Variants in TTLL11 observed in about 807,000 individuals in gnomAD.
TTLL11 encodes tubulin polyglutamylase TTLL11.
TTLL11 carries 42 observed loss-of-function variants against 51.7 expected under a neutral mutation model. That is an observed-to-expected ratio of 0.81 (90% CI 0.64 to 1.05). TTLL11 has a LOEUF of 1.05. Ranked by LOEUF, TTLL11 falls within the 50% of genes least tolerant of loss-of-function variation. The pLI, the probability that TTLL11 is intolerant of heterozygous loss-of-function variation, is 0.00. For missense variants in TTLL11, 799 were observed against 940.4 expected, an observed-to-expected ratio of 0.85 and a Z score of 1.97; for synonymous variants, 381 against 383.5, an observed-to-expected ratio of 0.99 and a Z score of 0.08.
intron 6 of TTLL11, among the ~76,000 whole-genome samples, chr9:121,926,246 G>A (rs577699368): frequency 9.2e-5 from 14 of 152,268 alleles, no homozygotes; most frequent in Admixed American, 8.5e-4. Flanking sequence ...GGGACCCTGC[G>A]CTGCCCACAG....
At chr9:121,922,108 G>A (rs956212022) in intron 6 of TTLL11, among the ~76,000 whole-genome samples, 1 of 152,120 alleles carries the variant, frequency 6.6e-6, no homozygotes, top group African/African-American at 2.4e-5. Flanking sequence ...CTCAGTCCAG[G>A]GGAAATTTCA....
chr9:121,893,836 T>G (rs1274332201), intron 6 of TTLL11, among the ~76,000 whole-genome samples: 2 of 152,214 alleles, frequency 1.3e-5, no homozygotes, highest in Non-Finnish European at 2.9e-5. Flanking sequence ...GGAATCTGTT[T>G]TCTGTGCATA....
chr9:121,895,312 ATG>A (rs1249171598), intron 6 of TTLL11, among the ~76,000 whole-genome samples: 7 of 150,552 alleles, frequency 4.6e-5, no homozygotes, highest in East Asian at 2.0e-4. Flanking sequence ...GTGTTTGTGT[ATG>A]TGAGTGTGTG....
At chr9:122,091,581 C>CAT (rs1846259896) in intron 1 of TTLL11, among the ~76,000 whole-genome samples, 1 of 152,174 alleles carries the variant, frequency 6.6e-6, no homozygotes, top group Non-Finnish European at 1.5e-5. Flanking sequence ...CCACATCAGT[C>CAT]CTTTCTGTGG....
intron 6 of TTLL11, among the ~76,000 whole-genome samples, chr9:121,938,868 C>G (rs188705766): frequency 6.6e-6 from 1 of 152,302 alleles, no homozygotes; most frequent in East Asian, 1.9e-4. Flanking sequence ...TTAGTACAAT[C>G]GCTCTGGGGA....
intron 6 of TTLL11, among the ~76,000 whole-genome samples, chr9:121,910,793 T>C (rs900165649): frequency 2.0e-5 from 3 of 152,262 alleles, no homozygotes; most frequent in Non-Finnish European, 4.4e-5. Context: ...TCCTTGATTG[T>C]CTCAAGTATA....
rs1836620985 is a variant in TTLL11 at position 121,822,712 on chromosome 9, C to A, written c.2008G>T (p.Gly670Cys). Residue 670 changes from glycine (G) to cysteine (C), a missense_variant, in exon 9 of 9, where the codon GGC becomes TGC. Physicochemically the swap from Gly to Cys is radical, Grantham distance 159 (BLOSUM62 -3). Around this residue, in one of 3 missense-constraint regions of TTLL11, gnomAD observed 165 missense variants for 166.1 expected, o/e 0.99. Coordinates refer to ENST00000321582, the MANE Select transcript of TTLL11 (RefSeq NM_001139442.2). This position sits in a 1 kb window ranked among gnomAD's most constrained non-coding sequence, Gnocchi z 5.8. ...LVCGRGVPSG[G>C]RPPHRGPPQE... The stretch of plus-strand genomic sequence containing the variant: ...GGAGGGCCACGGTGTGGGGGCCGGC[C>A]CCCCGACGGGACGCCCCGGCCACAC... 5 of 1,550,498 alleles carry A rather than the reference C, an allele frequency of 3.2e-6. No individual in the cohort carries two copies. In the East Asian group the frequency reaches 9.8e-5, roughly 30 times the overall value.
intron 6 of TTLL11, among the ~76,000 whole-genome samples, chr9:121,879,070 C>G (rs188604600): frequency 5.3e-5 from 8 of 152,288 alleles, no homozygotes; most frequent in Admixed American, 5.2e-4. Context: ...TGGCACCTAA[C>G]CTATAGGACT....
intron 3 of TTLL11, among the ~76,000 whole-genome samples, chr9:122,009,872 C>A (rs2131745660): frequency 6.6e-6 from 1 of 152,012 alleles, no homozygotes; most frequent in Admixed American, 6.5e-5. Context: ...GATCTATTTT[C>A]TTCTTTGCTA....
intron 8 of TTLL11, among the ~76,000 whole-genome samples, chr9:121,854,565 A>G (rs1371023139): frequency 1.3e-5 from 2 of 152,224 alleles, no homozygotes; most frequent in Non-Finnish European, 1.5e-5. Context: ...GGACCAGGAC[A>G]AGATTCTTGG....
intron 6 of TTLL11, among the ~76,000 whole-genome samples, chr9:121,911,388 C>A (rs945440592): frequency 1.3e-5 from 2 of 151,954 alleles, no homozygotes; most frequent in Admixed American, 6.6e-5. Flanking sequence ...CAGAGTGAGA[C>A]TCCATCTCAG....
intron 6 of TTLL11, among the ~76,000 whole-genome samples, chr9:121,950,406 A>G (rs1388489610): frequency 1.3e-5 from 2 of 152,134 alleles, no homozygotes; most frequent in African/African-American, 4.8e-5. Context: ...AGGTGCTATT[A>G]TTAAATTAAC....
At chr9:121,961,489 T>C (rs1375180906) in intron 6 of TTLL11, among the ~76,000 whole-genome samples, 1 of 151,838 alleles carries the variant, frequency 6.6e-6, no homozygotes, top group African/African-American at 2.4e-5. Context: ...AGAGCCAAAT[T>C]TACCCCCAAG....
chr9:121,928,043 A>G (rs1166222640), intron 6 of TTLL11, among the ~76,000 whole-genome samples: 1 of 152,150 alleles, frequency 6.6e-6, no homozygotes, highest in East Asian at 1.9e-4. Flanking sequence ...GGTGGTTTCA[A>G]TGGAGGTGCT....
chr9:121,967,367 G>T (rs1022477399), intron 6 of TTLL11, among the ~76,000 whole-genome samples: 2 of 151,770 alleles, frequency 1.3e-5, no homozygotes, highest in African/African-American at 4.8e-5. Context: ...TGGGATTACA[G>T]GTGCCCACCA....
intron 8 of TTLL11, among the ~76,000 whole-genome samples, chr9:121,850,662 C>T (rs2131368022): frequency 6.6e-6 from 1 of 152,244 alleles, no homozygotes; most frequent in Middle Eastern, 3.4e-3. Flanking sequence ...TGCCCACTCA[C>T]ATTGAGAGTG....
intron 6 of TTLL11, among the ~76,000 whole-genome samples, chr9:121,882,425 T>C (rs1838833583): frequency 6.6e-6 from 1 of 152,178 alleles, no homozygotes; most frequent in Non-Finnish European, 1.5e-5. Context: ...CACCTCCTAA[T>C]TGTCACTGAT....
intron 8 of TTLL11, among the ~76,000 whole-genome samples, chr9:121,835,109 T>C (rs1340315516): frequency 6.6e-6 from 1 of 152,124 alleles, no homozygotes; most frequent in Non-Finnish European, 1.5e-5. Context: ...CTCTGTAAAG[T>C]GAGGGGCTGG....
In TTLL11 at chr9:121,826,537, G is replaced by GTATATATATATA. The variant is rs1157615086; in HGVS notation, c.1841-3670_1841-3659dup. 8.5e-5 allele frequency among the ~76,000 whole-genome samples: 4 copies of GTATATATATATA among 47,008 alleles called. 1 individual carries two copies. The highest frequency in any genetic ancestry group is 1.9e-4 in the Admixed American group (1 of 5,162). 30.8% of individuals were successfully genotyped at this position (47,008 alleles called of 152,430 possible). A position where few individuals can be genotyped will look rare whatever the true frequency, so the allele number is the denominator to read the frequency against. ...TATGTATATATATATATGTGTGTGT[G>GTATATATATATA]TATATATATATATGTGTGTGTATAT... On this transcript the variant is annotated intron_variant, in intron 8 of 8. Coordinates refer to ENST00000321582, the MANE Select transcript of TTLL11 (RefSeq NM_001139442.2).
Sources: gnomAD v4.1 joint callset for allele counts (sites outside exome capture counted in the v4.1 genomes callset) on GRCh38, gnomAD v4.1.1 for gene constraint, gnomAD v4.1.1 regional missense constraint, Gnocchi (gnomAD v3.1) non-coding constraint, MANE v1.5 for transcripts, NCBI Gene and HGNC (gene_info 2026-07-23, HGNC 2026-07-21) for gene names.